Variants in STON1 observed in about 807,000 individuals in gnomAD.
STON1 encodes the protein stonin-1.
In STON1, 79 loss-of-function variants were observed where a neutral mutation model predicts 60.9. The ratio of observed to expected loss-of-function variants is 1.30; its 90% CI spans 1.08 to 1.56. The LOEUF (loss-of-function observed/expected upper bound fraction) is 1.56, where lower values mean the gene tolerates loss of function less well. Ranked by LOEUF, STON1 falls within the 40% of genes most tolerant of loss-of-function variation. STON1 has a pLI of 0.00. For missense variants in STON1, 1,166 were observed against 858.9 expected, an observed-to-expected ratio of 1.36 and a Z score of -4.47; for synonymous variants, 363 against 306.9, an observed-to-expected ratio of 1.18 and a Z score of -1.91.
At chr2:48,578,561 C>CCTCCTT in intron 1 of STON1, among the ~76,000 whole-genome samples, 2 of 139,792 alleles carry the variant, frequency 1.4e-5, no homozygotes, top group Non-Finnish European at 3.1e-5. Flanking sequence ...TCCTCCTTCT[C>CCTCCTT]CTCCTCCTCC....
rs1434087555 is a variant in STON1, at chr2:48,582,508, G to C, written c.1875G>C (p.Glu625Asp). 6.2e-7 allele frequency: 1 copy of C among 1,614,184 alleles called. No homozygotes were observed. The highest frequency in any genetic ancestry group is 1.7e-5 in the Admixed American group (1 of 60,026). ...IQVTVGSAKY[E>D]SAYQAVVWKI... is the part of the protein sequence containing the mutation. Reference sequence around the variant, plus strand: ...TCACTGTGGGGTCAGCAAAATATGAGAGTGCCTACCAGGCAGTGGTATGGA... The same window carrying C: ...TCACTGTGGGGTCAGCAAAATATGACAGTGCCTACCAGGCAGTGGTATGGA... Residue 625 changes from glutamate to aspartate, a missense_variant, in exon 2 of 4, where the codon GAG (glutamate) becomes GAC (aspartate). Glu to Asp is a conservative substitution (Grantham distance 45). Coordinates refer to ENST00000404752, the MANE Select transcript of STON1 (RefSeq NM_006873.4).
chr2:48,540,881 C>T (rs185405827), intron 1 of STON1, among the ~76,000 whole-genome samples: 2 of 152,194 alleles, frequency 1.3e-5, no homozygotes, highest in African/African-American at 4.8e-5. Context: ...GGAAAAAGCC[C>T]CCACACATTT....
intron 1 of STON1, among the ~76,000 whole-genome samples, chr2:48,541,229 T>C (rs1370061152): frequency 6.6e-6 from 1 of 151,592 alleles, no homozygotes; most frequent in African/African-American, 2.4e-5. Flanking sequence ...TGTATGACTA[T>C]AATCCCAGCA....
At chr2:48,573,685 A>G (rs1673332392) in intron 1 of STON1, among the ~76,000 whole-genome samples, 1 of 152,264 alleles carries the variant, frequency 6.6e-6, no homozygotes, top group South Asian at 2.1e-4. Context: ...ACCTAGGTAT[A>G]TACTCAAGAA....
At chr2:48,568,012 T>C (rs1168962919) in intron 1 of STON1, among the ~76,000 whole-genome samples, 1 of 143,542 alleles carries the variant, frequency 7.0e-6, no homozygotes, top group Non-Finnish European at 1.5e-5. Context: ...ATTCTTTCTG[T>C]AGATTATGCA....
intron 1 of STON1, among the ~76,000 whole-genome samples, chr2:48,554,726 ATTTATTT>A (rs1672247523): frequency 1.6e-5 from 1 of 63,554 alleles, no homozygotes; most frequent in South Asian, 5.4e-4. Flanking sequence ...TTTTTTTTTT[ATTTATTT>A]ATTTATTTTT....
At chr2:48,540,516 T>C (rs770632552) in intron 1 of STON1, among the ~76,000 whole-genome samples, 3 of 152,234 alleles carry the variant, frequency 2.0e-5, no homozygotes, top group Non-Finnish European at 4.4e-5. Context: ...GGGAGGTTCC[T>C]GGAGGATGGT....
intron 1 of STON1, among the ~76,000 whole-genome samples, chr2:48,579,436 C>G (rs1440420791): frequency 6.6e-6 from 1 of 152,020 alleles, no homozygotes; most frequent in Non-Finnish European, 1.5e-5. Context: ...TTTCATTTGT[C>G]TCAAGATATT....
chr2:48,538,017 G>C (rs1221966783), intron 1 of STON1, among the ~76,000 whole-genome samples: 1 of 151,430 alleles, frequency 6.6e-6, no homozygotes, highest in Non-Finnish European at 1.5e-5. Flanking sequence ...GCGGTGGCAT[G>C]ATCTTGGCTC....
chr2:48,582,305 T>C lies in STON1; in HGVS notation c.1672T>C (p.Tyr558His). 6.2e-7 allele frequency: 1 copy of C among 1,614,250 alleles called. No individual in the cohort carries two copies. Among genetic ancestry groups the C allele is most frequent in the Non-Finnish European group, 8.5e-7 (1 of 1,180,040 alleles). The change falls in exon 2 of 4, where the codon TAT (tyrosine) becomes CAT (histidine). Residue 558 changes from tyrosine (Y) to histidine (H), a missense_variant. Tyr to His is a moderately conservative substitution (Grantham distance 83). Transcript: ENST00000404752. Reference sequence around the variant, plus strand: ...GGCCTCATTGGCGCAGAGGTCATCCTATGCTGGTTCCTTAAGGTCCTGTGA... The same window carrying C: ...GGCCTCATTGGCGCAGAGGTCATCCCATGCTGGTTCCTTAAGGTCCTGTGA... ...NMASLAQRSS[Y>H]AGSLRSCDNI...
chr2:48,554,443 G>A (rs1415597869), intron 1 of STON1, among the ~76,000 whole-genome samples: 1 of 151,956 alleles, frequency 6.6e-6, no homozygotes, highest in African/African-American at 2.4e-5. Flanking sequence ...GGCTAGTTTC[G>A]AACTCCTGAC....
At chr2:48,590,962 A>G (rs1039074040) in intron 2 of STON1, among the ~76,000 whole-genome samples, 1 of 152,182 alleles carries the variant, frequency 6.6e-6, no homozygotes, top group Non-Finnish European at 1.5e-5. Context: ...AGAATTTTAA[A>G]ATAATGCGAC....
intron 1 of STON1, among the ~76,000 whole-genome samples, chr2:48,564,480 T>TTCTTCTTCCTTCTTCTTC (rs1558604783): frequency 3.1e-5 from 1 of 32,480 alleles, no homozygotes; most frequent in African/African-American, 1.2e-4. Flanking sequence ...CTTCTTCTTC[T>TTCTTCTTCCTTCTTCTTC]TTCTTCTTCT....
At chr2:48,536,267 G>A (rs192804328) in intron 1 of STON1, among the ~76,000 whole-genome samples, 189 of 152,062 alleles carry the variant, frequency 1.2e-3, no homozygotes, top group African/African-American at 4.0e-3. Flanking sequence ...GTCAGAATAC[G>A]CCAGGTGTGG....
chr2:48,536,440 C>T (rs922045047), intron 1 of STON1, among the ~76,000 whole-genome samples: 1 of 149,618 alleles, frequency 6.7e-6, no homozygotes, highest in African/African-American at 2.5e-5. Flanking sequence ...CCCAGCTACT[C>T]GGGAGGTTGA....
chr2:48,559,276 T>C (rs1672511903), intron 1 of STON1, among the ~76,000 whole-genome samples: 1 of 152,186 alleles, frequency 6.6e-6, no homozygotes, highest in African/African-American at 2.4e-5. Context: ...ATAGCTTAGA[T>C]TGAGTAGCTT....
In STON1 at chr2:48,594,693, A is replaced by G. The variant is rs139171821; in HGVS notation, c.2134-535A>G. Among the ~76,000 whole-genome samples, 491 of 152,306 alleles carry G rather than the reference A, an allele frequency of 3.2e-3. 2 individuals carry two copies. The highest frequency in any genetic ancestry group is 9.4e-3 in the African/African-American group (390 of 41,572). Reference sequence around the variant, plus strand: ...CCTGGAGGACCTCCAGGAGGATGTGACATTTGAGCTGAGACAAAAATGATG... The same window carrying G: ...CCTGGAGGACCTCCAGGAGGATGTGGCATTTGAGCTGAGACAAAAATGATG... On this transcript the variant is annotated intron_variant, in intron 3 of 3. Coordinates refer to ENST00000404752, the MANE Select transcript of STON1 (RefSeq NM_006873.4).
Position 48,581,267 on chromosome 2 carries a change from A to C in STON1, c.634A>C (p.Lys212Gln). 6.6e-7 allele frequency: 1 copy of C among 1,519,182 alleles called. No individual in the cohort carries two copies. Among genetic ancestry groups the C allele is most frequent in the Non-Finnish European group, 8.8e-7 (1 of 1,138,052 alleles). 94.1% of individuals were successfully genotyped at this position (1,519,182 alleles called of 1,614,324 possible). ...CAAAAAGATGTTCTCATCAAGAAACAAGGAGATGCCTATTGACCAAAAAAG... is the reference window on the plus strand; with the variant it reads ...CAAAAAGATGTTCTCATCAAGAAACCAGGAGATGCCTATTGACCAAAAAAG... ...GSKKMFSSRN[K>Q]EMPIDQKSLN... Residue 212 changes from lysine (K) to glutamine (Q), a missense_variant, in exon 2 of 4, where the codon AAG becomes CAG. By Grantham distance (53) the Lys-to-Gln change is moderately conservative (BLOSUM62 1). Coordinates refer to ENST00000404752, the MANE Select transcript of STON1 (RefSeq NM_006873.4).
At chr2:48,585,847 G>A (rs553392017) in intron 2 of STON1, among the ~76,000 whole-genome samples, 4 of 152,212 alleles carry the variant, frequency 2.6e-5, no homozygotes, top group African/African-American at 4.8e-5. Flanking sequence ...GTTGTTTTCC[G>A]TTGATCCTAG....
Sources: allele counts gnomAD v4.1 joint callset (sites outside exome capture counted in the v4.1 genomes callset), GRCh38; gene constraint gnomAD v4.1.1; transcripts MANE v1.5; gene names NCBI Gene and HGNC (gene_info 2026-07-23, HGNC 2026-07-21).